Variants in PHLDB2 observed in about 807,000 individuals in gnomAD.
The protein encoded by PHLDB2 is pleckstrin homology like domain family B member 2.
PHLDB2 carries 71 observed loss-of-function variants against 123.6 expected under a neutral mutation model. The ratio of observed to expected loss-of-function variants is 0.57; its 90% confidence interval spans 0.47 to 0.70. The LOEUF is 0.70. PHLDB2 is among the 30% of genes least tolerant of loss of function. PHLDB2 has a pLI of 0.00. For missense variants in PHLDB2, 1,446 were observed against 1,519.5 expected, an observed-to-expected ratio of 0.95 and a Z score of 0.80; for synonymous variants, 547 against 541.6, an observed-to-expected ratio of 1.01 and a Z score of -0.14.
At chr3:111,876,798 C>T (rs138592415) in intron 1 of PHLDB2, among the ~76,000 whole-genome samples, 2 of 152,262 alleles carry the variant, frequency 1.3e-5, no homozygotes, top group East Asian at 1.9e-4. Flanking sequence ...TCAACTCCCA[C>T]TTATGAGTGA....
rs539171167 is a variant in PHLDB2, at chr3:111,768,984, A to G, written c.-49+36281A>G. Among the ~76,000 whole-genome samples, 22 of 152,324 alleles carry G rather than the reference A, an allele frequency of 1.4e-4. 1 individual carries two copies. The South Asian group carries it at 3.7e-3, about 26-fold the overall frequency. Reference sequence around the variant, plus strand: ...TTTCTCGAGCCTTTAATTATGGGCCAATGAAAACAATGCCTTTAGTGAACT... The same window carrying G: ...TTTCTCGAGCCTTTAATTATGGGCCGATGAAAACAATGCCTTTAGTGAACT... On this transcript the variant is annotated intron_variant, in intron 1 of 17. Transcript: ENST00000393923.
intron 1 of PHLDB2, among the ~76,000 whole-genome samples, chr3:111,836,249 CA>C (rs2063388943): frequency 6.6e-6 from 1 of 152,114 alleles, no homozygotes; most frequent in Admixed American, 6.6e-5. Flanking sequence ...AGTTATGAGC[CA>C]AACGGAAGTC....
intron 2 of PHLDB2, among the ~76,000 whole-genome samples, chr3:111,850,933 C>T (rs1308496217): frequency 6.6e-6 from 1 of 152,028 alleles, no homozygotes; most frequent in Non-Finnish European, 1.5e-5. Flanking sequence ...TGGTGGCTCA[C>T]GCCTGTAATC....
chr3:111,818,756 C>A lies in PHLDB2; in HGVS notation c.-48-27065C>A, dbSNP rs139561495. Among the ~76,000 whole-genome samples, 233 of 152,246 alleles carry A rather than the reference C, an allele frequency of 1.5e-3. 1 individual carries two copies. Among genetic ancestry groups the A allele is most frequent in the African/African-American group, 5.5e-3 (227 of 41,548 alleles). On this transcript the variant is annotated intron_variant, in intron 1 of 17. Coordinates refer to the PHLDB2 transcript ENST00000393923. ...GACACCAGTCCAGATCTGCTGAATTCTAAAAAAATTCTGCCATTGGCTCCA... is the reference window on the plus strand; with the variant it reads ...GACACCAGTCCAGATCTGCTGAATTATAAAAAAATTCTGCCATTGGCTCCA...
intron 12 of PHLDB2, 177 bp from the exon 13 acceptor site, chr3:111,961,931 T>G (rs1264503186): frequency 3.6e-5 from 22 of 615,780 alleles, no homozygotes; most frequent in Admixed American, 2.5e-4. Context: ...TCATTCAAAC[T>G]GTTGCTTGCA....
At chr3:111,943,110 A>G (rs905565146) in intron 8 of PHLDB2, among the ~76,000 whole-genome samples, 1 of 152,160 alleles carries the variant, frequency 6.6e-6, no homozygotes, top group African/African-American at 2.4e-5. Context: ...AACGAGAACA[A>G]AGTTGGAGGA....
In PHLDB2 at chr3:111,815,106, C is replaced by G. The variant is rs376407042; in HGVS notation, c.-48-30715C>G. ...TCCATGTAAGATATGACGTGCTCCT[C>G]CTTGCCTTTCACCTTCCACCATGAT... On this transcript the variant is annotated intron_variant, in intron 1 of 17. Coordinates refer to the PHLDB2 transcript ENST00000393923. Among the ~76,000 whole-genome samples the G allele has an allele frequency of 1.9e-3, 294 of 152,278 alleles. 2 individuals carry two copies. The Middle Eastern group carries it at 0.02, about 11-fold the overall frequency.
intron 1 of PHLDB2, among the ~76,000 whole-genome samples, chr3:111,819,976 C>T (rs762121519): frequency 6.6e-6 from 1 of 152,178 alleles, no homozygotes; most frequent in Non-Finnish European, 1.5e-5. Context: ...GGTAATGAAG[C>T]TTTGAAGAAA....
chr3:111,816,987 GCT>G (rs896920963), intron 1 of PHLDB2, among the ~76,000 whole-genome samples: 3 of 152,150 alleles, frequency 2.0e-5, no homozygotes, highest in Admixed American at 1.3e-4. Flanking sequence ...CCCTGCACAA[GCT>G]CTCTTTTTGC....
intron 1 of PHLDB2, among the ~76,000 whole-genome samples, chr3:111,767,468 A>T (rs2060102540): frequency 1.3e-5 from 2 of 152,238 alleles, no homozygotes; most frequent in South Asian, 4.1e-4. Context: ...GGAAACAGGC[A>T]TTTTCACTAT....
chr3:111,925,048 C>G (rs1021354010), intron 5 of PHLDB2, among the ~76,000 whole-genome samples: 1 of 152,044 alleles, frequency 6.6e-6, no homozygotes, highest in Non-Finnish European at 1.5e-5. Flanking sequence ...AGGCTGGTCT[C>G]GAATGCCTGA....
intron 1 of PHLDB2, among the ~76,000 whole-genome samples, chr3:111,840,439 T>G (rs1000026746): frequency 3.9e-5 from 6 of 152,152 alleles, no homozygotes; most frequent in African/African-American, 1.4e-4. Flanking sequence ...TTTCTTAATG[T>G]GGTGTTTGGA....
In PHLDB2 at chr3:111,774,221, C is replaced by T. The variant is rs182521796; in HGVS notation, c.-49+41518C>T. On this transcript the variant is annotated intron_variant, in intron 1 of 17. Transcript: ENST00000393923. ...TCTTGGGAGCTCTAGGTAGGGGTCT[C>T]ACTCAAGTAAGGCTGTGAGAGGTAT... Among the ~76,000 whole-genome samples the T allele has an allele frequency of 9.2e-5, 14 of 152,316 alleles. No homozygotes were observed. In the East Asian group the frequency reaches 2.7e-3, roughly 29 times the overall value.
At chr3:111,756,380 G>A (rs13091685) in intron 1 of PHLDB2, among the ~76,000 whole-genome samples, 41,883 of 151,978 alleles carry the variant, frequency 0.28, 6,230 homozygotes, top group East Asian at 0.53. Flanking sequence ...AGCTCTTCTC[G>A]TTGAATTGAT....
At chr3:111,818,812 G>T (rs914090466) in intron 1 of PHLDB2, among the ~76,000 whole-genome samples, 4 of 152,004 alleles carry the variant, frequency 2.6e-5, no homozygotes, top group African/African-American at 9.7e-5. Context: ...TGAACCCCTT[G>T]AACCTTGGTC....
intron 1 of PHLDB2, among the ~76,000 whole-genome samples, chr3:111,809,682 G>A (rs1338210535): frequency 6.6e-6 from 1 of 152,324 alleles, no homozygotes; most frequent in East Asian, 1.9e-4. Context: ...AAGAAGCTCT[G>A]ATTTGTGGTG....
rs1160320087 is a variant in PHLDB2, at chr3:111,976,496, C to A, written c.*1933C>A. 6.6e-6 allele frequency: 1 copy of A among 152,104 alleles called. No homozygotes were observed. The highest frequency in any genetic ancestry group is 1.5e-5 in the Non-Finnish European group (1 of 68,016). The allele number at this position is 152,104 out of a possible 1,614,324, so 9.4% of individuals were successfully genotyped here. ...ATATTGTTGTCTGTTTACACAGATA[C>A]ATTTATTGCTGGGGATTGCAAGGAG... On this transcript the variant is annotated 3_prime_UTR_variant, in exon 18 of 18. Coordinates refer to ENST00000431670, the MANE Select transcript of PHLDB2 (RefSeq NM_001134438.2).
At chr3:111,894,396 C>T (rs1043374737) in intron 2 of PHLDB2, among the ~76,000 whole-genome samples, 5 of 151,726 alleles carry the variant, frequency 3.3e-5, no homozygotes, top group African/African-American at 1.2e-4. Flanking sequence ...TTTATAGCAG[C>T]ATGATTTATA....
chr3:111,924,130 C>T (rs544831273), intron 5 of PHLDB2, among the ~76,000 whole-genome samples: 175 of 152,176 alleles, frequency 1.1e-3, no homozygotes, highest in Non-Finnish European at 2.1e-3. Flanking sequence ...CCTGGAATTC[C>T]CTTCCTCATA....
Sources: gnomAD v4.1 joint callset for allele counts (sites outside exome capture counted in the v4.1 genomes callset) on GRCh38, gnomAD v4.1.1 for gene constraint, MANE v1.5 for transcripts, NCBI Gene and HGNC (gene_info 2026-07-23, HGNC 2026-07-21) for gene names.